The following PLXDC2 variants were observed in gnomAD, a reference collection of about 807,000 sequenced individuals.
PLXDC2 encodes the protein plexin domain containing 2, also known as plexin domain-containing protein 2.
Under a neutral mutation model 68.9 loss-of-function variants are expected in PLXDC2, and 40 were observed. The observed-to-expected ratio is 0.58, with a 90% CI of 0.45 to 0.76. PLXDC2 has a LOEUF of 0.76. PLXDC2 is among the 30% of genes least tolerant of loss of function. The probability of loss-of-function intolerance (pLI) is 0.00; values close to 1 mark genes in which losing one functional copy is unlikely to be tolerated. For missense variants in PLXDC2, 644 were observed against 661.9 expected (o/e 0.97, Z 0.30); for synonymous variants, 243 against 234.2 (o/e 1.04, Z -0.34).
chr10:19,940,724 T>C lies in PLXDC2; in HGVS notation c.113-61051T>C, dbSNP rs188380151. Among the ~76,000 whole-genome samples, 400 of 152,296 alleles carry C rather than the reference T, an allele frequency of 2.6e-3. 3 individuals carry two copies. Among genetic ancestry groups the C allele is most frequent in the Non-Finnish European group, 2.4e-3 (165 of 68,012 alleles). On this transcript the variant is annotated intron_variant, in intron 1 of 13. Transcript: ENST00000377252. ...TGAGACATTTTGGTACTTTTGATAT[T>C]TGAAAAGAATTTATGAGACAGAGAA... is the stretch of plus-strand genomic sequence containing the variant.
At chr10:20,248,465 A>T (rs971489744) in intron 13 of PLXDC2, among the ~76,000 whole-genome samples, 2 of 152,220 alleles carry the variant, frequency 1.3e-5, no homozygotes, top group Non-Finnish European at 2.9e-5. Context: ...TCAAAGAGTC[A>T]TAGTTCTAAG....
chr10:20,101,393 T>A (rs1249090703), intron 4 of PLXDC2, among the ~76,000 whole-genome samples: 1 of 152,196 alleles, frequency 6.6e-6, no homozygotes, highest in Non-Finnish European at 1.5e-5. Context: ...AGGAATCTAC[T>A]GTCTAGATCA....
intron 1 of PLXDC2, among the ~76,000 whole-genome samples, chr10:19,881,917 C>T (rs1211379076): frequency 3.3e-5 from 5 of 152,326 alleles, no homozygotes; most frequent in African/African-American, 1.2e-4. Flanking sequence ...TCCTTCTCAA[C>T]TAACTGAAAG....
At chr10:19,852,410 AGC>A (rs1837135026) in intron 1 of PLXDC2, among the ~76,000 whole-genome samples, 1 of 121,702 alleles carries the variant, frequency 8.2e-6, no homozygotes, top group African/African-American at 3.3e-5. Context: ...TGGGTGACAG[AGC>A]AAGACCCTGT....
intron 1 of PLXDC2, among the ~76,000 whole-genome samples, chr10:19,903,670 A>T (rs1483172221): frequency 8.7e-5 from 12 of 137,748 alleles, no homozygotes; most frequent in Non-Finnish European, 1.1e-4. Context: ...TGTTTGTTTC[A>T]CTTTCATTTA....
At chr10:19,895,486 C>A in intron 1 of PLXDC2, among the ~76,000 whole-genome samples, 1 of 152,040 alleles carries the variant, frequency 6.6e-6, no homozygotes, top group African/African-American at 2.4e-5. Context: ...GGCATTATAC[C>A]TATCAAAAAT....
intron 9 of PLXDC2, among the ~76,000 whole-genome samples, chr10:20,187,139 G>A (rs117600066): frequency 0.028 from 4,294 of 151,810 alleles, 76 homozygotes; most frequent in Middle Eastern, 0.072. Context: ...GGTGAATTAC[G>A]TGGAAATGTC....
chr10:20,247,478 G>GAA (rs11460480), intron 13 of PLXDC2, among the ~76,000 whole-genome samples: 20 of 148,704 alleles, frequency 1.3e-4, no homozygotes, highest in South Asian at 4.3e-4. Flanking sequence ...CCTGGTCTAG[G>GAA]AAAAAAAAAA....
chr10:20,234,097 G>T (rs1835400454), intron 12 of PLXDC2, among the ~76,000 whole-genome samples: 3 of 152,136 alleles, frequency 2.0e-5, no homozygotes, highest in Admixed American at 2.0e-4. Flanking sequence ...TAAGTGCTGG[G>T]ATTGCAGATG....
chr10:20,068,304 G>T (rs7912036), intron 4 of PLXDC2, 65 bp downstream of exon 4: 210,909 of 1,303,208 alleles, frequency 0.16, 25,010 homozygotes, highest in East Asian at 0.59. Flanking sequence ...TTATTTTTAA[G>T]TTACTCTATA....
At chr10:19,911,164 T>C (rs994391743) in intron 1 of PLXDC2, among the ~76,000 whole-genome samples, 4 of 151,964 alleles carry the variant, frequency 2.6e-5, no homozygotes, top group Non-Finnish European at 4.4e-5. Flanking sequence ...CAAGACCATA[T>C]AATATTTGAA....
chr10:20,234,663 C>CTTTTTTTT (rs58791520), intron 12 of PLXDC2, among the ~76,000 whole-genome samples: 34 of 125,350 alleles, frequency 2.7e-4, no homozygotes, highest in Non-Finnish European at 3.5e-4. Context: ...GGGTTTCTTT[C>CTTTTTTTT]TTTTTTTTTT....
intron 9 of PLXDC2, 44 bp downstream of exon 9, chr10:20,177,453 A>G (rs1258860192): frequency 1.1e-5 from 11 of 996,042 alleles, no homozygotes; most frequent in Non-Finnish European, 1.5e-5. Context: ...TTAAAAAGAT[A>G]TTTTAAAAGA....
intron 4 of PLXDC2, among the ~76,000 whole-genome samples, chr10:20,098,104 G>A (rs1160908004): frequency 1.3e-5 from 2 of 152,084 alleles, no homozygotes; most frequent in Non-Finnish European, 1.5e-5. Context: ...GCTGTAACAA[G>A]TTACAAACTG....
intron 1 of PLXDC2, among the ~76,000 whole-genome samples, chr10:19,843,495 G>A (rs544430522): frequency 5.9e-5 from 9 of 152,020 alleles, no homozygotes; most frequent in Non-Finnish European, 1.2e-4. Context: ...GAAAATCAGA[G>A]ACAGAAAAAT....
intron 4 of PLXDC2, among the ~76,000 whole-genome samples, chr10:20,100,369 T>G (rs191404956): frequency 7.2e-5 from 11 of 152,230 alleles, no homozygotes; most frequent in African/African-American, 2.4e-4. Context: ...GAAAGAGAGA[T>G]AATGAAAGGA....
chr10:19,840,967 A>AT (rs1248468904), intron 1 of PLXDC2, among the ~76,000 whole-genome samples: 1 of 152,196 alleles, frequency 6.6e-6, no homozygotes, highest in Admixed American at 6.5e-5. Flanking sequence ...ACTGCCACCA[A>AT]TTTAATTCCA....
intron 1 of PLXDC2, among the ~76,000 whole-genome samples, chr10:19,995,917 T>C (rs1306409834): frequency 6.6e-6 from 1 of 152,206 alleles, no homozygotes; most frequent in Non-Finnish European, 1.5e-5. Flanking sequence ...CATGCAATAG[T>C]AACTATATTC....
chr10:19,885,037 T>C (rs1837815655), intron 1 of PLXDC2, among the ~76,000 whole-genome samples: 1 of 152,188 alleles, frequency 6.6e-6, no homozygotes, highest in African/African-American at 2.4e-5. Context: ...TTTTTAATGA[T>C]TGCCATTGTA....
Sources: allele counts gnomAD v4.1 joint callset (sites outside exome capture counted in the v4.1 genomes callset), GRCh38; gene constraint gnomAD v4.1.1; transcripts MANE v1.5; gene names NCBI Gene and HGNC (gene_info 2026-07-23, HGNC 2026-07-21).